DSE: variants seen among roughly 807,000 people sequenced by gnomAD.
DSE encodes the protein dermatan sulfate epimerase, also known as dermatan-sulfate epimerase.
In DSE, 36 loss-of-function variants were observed where a neutral mutation model predicts 84.4. The ratio of observed to expected loss-of-function variants is 0.43; its 90% CI spans 0.33 to 0.56. DSE has a LOEUF of 0.56. Among genes scored for constraint, DSE ranks in the 20% least tolerant of loss-of-function variants. The probability of loss-of-function intolerance (pLI) is 0.06; values close to 1 mark genes in which losing one functional copy is unlikely to be tolerated. For synonymous variants in DSE, 410 were observed against 430.1 expected (o/e 0.95, Z 0.58); for missense variants, 862 against 1,169.6 (o/e 0.74, Z 3.84).
intron 2 of DSE, among the ~76,000 whole-genome samples, chr6:116,292,278 G>T (rs1343053591): frequency 6.6e-6 from 1 of 152,126 alleles, no homozygotes; most frequent in Admixed American, 6.5e-5. Flanking sequence ...GGTAGGGAAA[G>T]AACCAGAAGA....
intron 2 of DSE, among the ~76,000 whole-genome samples, chr6:116,425,499 C>T (rs1049287966): frequency 2.6e-5 from 4 of 152,166 alleles, no homozygotes; most frequent in Non-Finnish European, 5.9e-5. Flanking sequence ...CCTTTGTTTG[C>T]TTCCTGCTTA....
intron 2 of DSE, among the ~76,000 whole-genome samples, chr6:116,304,918 T>A (rs1775254122): frequency 6.6e-6 from 1 of 152,204 alleles, no homozygotes; most frequent in African/African-American, 2.4e-5. Context: ...AGCTGAGCTG[T>A]TTAGGTTTAT....
chr6:116,321,762 G>T (rs1349457042), intron 2 of DSE, among the ~76,000 whole-genome samples: 1 of 152,138 alleles, frequency 6.6e-6, no homozygotes, highest in Non-Finnish European at 1.5e-5. Context: ...TGGACAGTGT[G>T]AGACTCCATC....
rs1562318644 is a variant in DSE, at chr6:116,439,248, T to C, written c.*1903T>C. 1 of 152,232 alleles carries C rather than the reference T, an allele frequency of 6.6e-6. No individual in the cohort carries two copies. Among genetic ancestry groups the C allele is most frequent in the Non-Finnish European group, 1.5e-5 (1 of 68,032 alleles). 9.4% of individuals were successfully genotyped at this position (152,232 alleles called of 1,614,324 possible). ...CTGATCTCAGATCCAAACTGAGACA[T>C]ACTTTCTAACAGAGATGAAAAGTGC... On this transcript the variant is annotated 3_prime_UTR_variant, in exon 6 of 6. Transcript: ENST00000644252.
chr6:116,312,285 A>G (rs963784960), intron 2 of DSE, among the ~76,000 whole-genome samples: 1 of 152,240 alleles, frequency 6.6e-6, no homozygotes, highest in Non-Finnish European at 1.5e-5. Context: ...CTCCATAAAT[A>G]TATTTTGAAA....
upstream of DSE, chr6:116,366,068 C>T (rs1779149699): frequency 6.6e-6 from 1 of 152,236 alleles, no homozygotes; most frequent in Admixed American, 6.5e-5. Context: ...TTACTGAGTT[C>T]TCATTCCTTG....
intron 3 of DSE, among the ~76,000 whole-genome samples, chr6:116,428,415 A>G (rs533773867): frequency 1.6e-3 from 237 of 152,286 alleles, no homozygotes; most frequent in African/African-American, 5.5e-3. Flanking sequence ...ATTTAAGGGA[A>G]GGAGTAGAGT....
chr6:116,257,961 A>G (rs1772216239), intron 1 of DSE, among the ~76,000 whole-genome samples: 1 of 152,208 alleles, frequency 6.6e-6, no homozygotes, highest in Non-Finnish European at 1.5e-5. Context: ...AGAATTCATG[A>G]TTCTGTGTTT....
intron 2 of DSE, among the ~76,000 whole-genome samples, chr6:116,313,973 T>C (rs1441705251): frequency 6.6e-6 from 1 of 152,210 alleles, no homozygotes; most frequent in Non-Finnish European, 1.5e-5. Context: ...CCTAGGCAGA[T>C]AGCTGTTTTC....
At chr6:116,348,156 G>A (rs888939831) in intron 2 of DSE, among the ~76,000 whole-genome samples, 2 of 152,162 alleles carry the variant, frequency 1.3e-5, no homozygotes, top group African/African-American at 4.8e-5. Flanking sequence ...GGCTGGGCAC[G>A]GTGGCTCACG....
At chr6:116,313,369 C>T (rs1433886346) in intron 2 of DSE, among the ~76,000 whole-genome samples, 1 of 152,146 alleles carries the variant, frequency 6.6e-6, no homozygotes, top group Non-Finnish European at 1.5e-5. Context: ...GAAACTAATA[C>T]AGAAACTCTG....
In DSE at chr6:116,436,353, A is replaced by T; in HGVS notation, c.1885A>T (p.Thr629Ser). Residue 629 changes from threonine to serine, a missense_variant, in exon 6 of 6, where the codon ACC becomes TCC. Thr to Ser is a moderately conservative substitution (Grantham distance 58). Transcript: ENST00000644252. ...CGATACTGGCTACAGCGAGAAAGCA[A>T]CCTTTGCCTCAGTGACATATCCTCG... is the stretch of plus-strand genomic sequence containing the variant. ...MDDTGYSEKA[T>S]FASVTYPRGY... 6.2e-7 allele frequency: 1 copy of T among 1,614,146 alleles called. No homozygotes were observed. Among genetic ancestry groups the T allele is most frequent in the Non-Finnish European group, 8.5e-7 (1 of 1,180,008 alleles).
upstream of DSE, among the ~76,000 whole-genome samples, chr6:116,368,642 G>A (rs1255320579): frequency 6.6e-6 from 1 of 152,156 alleles, no homozygotes; most frequent in East Asian, 1.9e-4. Flanking sequence ...AAGCTCCAAG[G>A]ATATACTTAG....
At chr6:116,293,232 G>A (rs938475265) in intron 2 of DSE, among the ~76,000 whole-genome samples, 19 of 151,756 alleles carry the variant, frequency 1.3e-4, no homozygotes, top group African/African-American at 4.6e-4. Flanking sequence ...GCTCAGATGT[G>A]ATATTGAGTT....
At chr6:116,396,909 A>C (rs1019164223) in intron 1 of DSE, among the ~76,000 whole-genome samples, 10 of 152,216 alleles carry the variant, frequency 6.6e-5, no homozygotes, top group African/African-American at 2.2e-4. Flanking sequence ...AAGTTTGTAC[A>C]GAATGTGAGA....
chr6:116,345,199 G>A (rs1434647025), intron 2 of DSE, among the ~76,000 whole-genome samples: 2 of 152,072 alleles, frequency 1.3e-5, no homozygotes, highest in African/African-American at 2.4e-5. Flanking sequence ...GTCAACATTC[G>A]ACAGATCAAT....
chr6:116,431,316 A>G (rs1783826608), intron 4 of DSE, 123 bp downstream of exon 4: 1 of 1,331,756 alleles, frequency 7.5e-7, no homozygotes, highest in South Asian at 1.6e-5. Flanking sequence ...AATTAAATAG[A>G]TTTTTTTAAT....
At chr6:116,423,474 C>A (rs1783226675) in intron 2 of DSE, among the ~76,000 whole-genome samples, 1 of 152,206 alleles carries the variant, frequency 6.6e-6, no homozygotes, top group African/African-American at 2.4e-5. Context: ...GAAACTCCAT[C>A]TGTAGACCCA....
intron 2 of DSE, among the ~76,000 whole-genome samples, chr6:116,409,401 C>T (rs536141081): frequency 1.3e-5 from 2 of 152,138 alleles, no homozygotes; most frequent in African/African-American, 2.4e-5. Flanking sequence ...CTCAGCCTCC[C>T]GAGTAGGCTC....
Sources: allele counts gnomAD v4.1 joint callset (sites outside exome capture counted in the v4.1 genomes callset), GRCh38; gene constraint gnomAD v4.1.1; transcripts MANE v1.5; gene names NCBI Gene and HGNC (gene_info 2026-07-23, HGNC 2026-07-21).